Variants in CAMTA1 observed in about 807,000 individuals in gnomAD.
CAMTA1 encodes calmodulin-binding transcription activator 1.
Under a neutral mutation model 170.9 loss-of-function variants are expected in CAMTA1, and 27 were observed. The observed-to-expected ratio is 0.16, with a 90% CI of 0.12 to 0.22. The LOEUF (loss-of-function observed/expected upper bound fraction) is 0.22, where lower values mean the gene tolerates loss of function less well. Ranked by LOEUF, CAMTA1 falls within the 10% of genes least tolerant of loss-of-function variation. The probability of loss-of-function intolerance (pLI) is 1.00; values close to 1 mark genes in which losing one functional copy is unlikely to be tolerated. For synonymous variants in CAMTA1, 833 were observed against 891.5 expected, an observed-to-expected ratio of 0.93 and a Z score of 1.17; for missense variants, 1,619 against 2,217.2, an observed-to-expected ratio of 0.73 and a Z score of 5.42.
chr1:7,129,357 G>A (rs759480337), intron 4 of CAMTA1, among the ~76,000 whole-genome samples: 8 of 152,056 alleles, frequency 5.3e-5, no homozygotes, highest in Admixed American at 6.6e-5. Flanking sequence ...AAAGGTTACC[G>A]AGAACACTCA....
chr1:7,221,930 C>CACAT, intron 4 of CAMTA1, among the ~76,000 whole-genome samples: 1 of 135,702 alleles, frequency 7.4e-6, no homozygotes, highest in East Asian at 2.1e-4. Flanking sequence ...CACACACATA[C>CACAT]ACACACACAC....
At chr1:7,549,528 G>A (rs951554466) in intron 6 of CAMTA1, among the ~76,000 whole-genome samples, 1 of 152,128 alleles carries the variant, frequency 6.6e-6, no homozygotes, top group African/African-American at 2.4e-5. Context: ...ATGCCCTGGG[G>A]CATTCAGAAA....
chr1:6,950,536 G>C (rs1255788452), intron 3 of CAMTA1, among the ~76,000 whole-genome samples: 1 of 152,154 alleles, frequency 6.6e-6, no homozygotes, highest in Non-Finnish European at 1.5e-5. Flanking sequence ...TCTCACTCCT[G>C]CCACATGCTC....
At chr1:7,649,010 C>G (rs544512029) in intron 7 of CAMTA1, among the ~76,000 whole-genome samples, 8 of 152,372 alleles carry the variant, frequency 5.3e-5, no homozygotes, top group South Asian at 4.1e-4. Flanking sequence ...CCACACGGAG[C>G]TTAGTGTAGC....
intron 7 of CAMTA1, among the ~76,000 whole-genome samples, chr1:7,654,396 A>T (rs1045950368): frequency 7.2e-5 from 11 of 151,820 alleles, no homozygotes; most frequent in African/African-American, 2.2e-4. Context: ...TAAATAAATA[A>T]ATATATTAAA....
intron 11 of CAMTA1, among the ~76,000 whole-genome samples, chr1:7,690,761 G>A (rs1333594439): frequency 6.6e-6 from 1 of 152,218 alleles, no homozygotes; most frequent in African/African-American, 2.4e-5. Flanking sequence ...CCACAGATGG[G>A]GATGCTCAGA....
intron 5 of CAMTA1, among the ~76,000 whole-genome samples, chr1:7,291,360 C>T (rs554823874): frequency 2.6e-5 from 4 of 152,056 alleles, no homozygotes; most frequent in Admixed American, 6.5e-5. Context: ...CCCAGTTCTG[C>T]GCTGGAGTAG....
At chr1:7,504,137 G>C (rs1170479160) in intron 6 of CAMTA1, among the ~76,000 whole-genome samples, 2 of 152,186 alleles carry the variant, frequency 1.3e-5, no homozygotes, top group Non-Finnish European at 2.9e-5. Context: ...GGGACTCTGT[G>C]TCCTCACTGC....
chr1:7,174,782 G>GAA (rs1650421391), intron 4 of CAMTA1, among the ~76,000 whole-genome samples: 1 of 152,216 alleles, frequency 6.6e-6, no homozygotes, highest in Admixed American at 6.5e-5. Context: ...GGAGGCAGGA[G>GAA]AAGCTGGGCA....
At chr1:7,538,455 A>G (rs1377955426) in intron 6 of CAMTA1, among the ~76,000 whole-genome samples, 5 of 152,238 alleles carry the variant, frequency 3.3e-5, no homozygotes, top group Admixed American at 3.3e-4. Context: ...TTTTGAGACC[A>G]GCCTGGGTAA....
At chr1:6,805,013 A>C (rs1384995255) in intron 1 of CAMTA1, among the ~76,000 whole-genome samples, 1 of 152,226 alleles carries the variant, frequency 6.6e-6, no homozygotes, top group Non-Finnish European at 1.5e-5. Context: ...TTATATGGAC[A>C]TATGTTTTCA....
intron 6 of CAMTA1, among the ~76,000 whole-genome samples, chr1:7,625,047 G>A (rs867407447): frequency 6.6e-6 from 1 of 152,182 alleles, no homozygotes; most frequent in Non-Finnish European, 1.5e-5. Flanking sequence ...GGGTGAGAAG[G>A]GTGCATGGGA....
intron 5 of CAMTA1, among the ~76,000 whole-genome samples, chr1:7,431,522 C>T (rs1005319663): frequency 6.6e-6 from 1 of 151,916 alleles, no homozygotes; most frequent in African/African-American, 2.4e-5. Flanking sequence ...GCCATAGACT[C>T]AGCTCCACAC....
At chr1:7,152,150 C>T (rs901275604) in intron 4 of CAMTA1, among the ~76,000 whole-genome samples, 1 of 152,214 alleles carries the variant, frequency 6.6e-6, no homozygotes, top group Non-Finnish European at 1.5e-5. Flanking sequence ...GCTCTGACCT[C>T]AGCATCAGCC....
chr1:7,213,020 A>G (rs1014265918), intron 4 of CAMTA1, among the ~76,000 whole-genome samples: 12 of 152,344 alleles, frequency 7.9e-5, no homozygotes, highest in African/African-American at 2.6e-4. Context: ...ACATTGAAGG[A>G]CATCTGGGTG....
intron 5 of CAMTA1, among the ~76,000 whole-genome samples, chr1:7,364,743 T>C (rs1381284011): frequency 6.6e-6 from 1 of 152,168 alleles, no homozygotes; most frequent in Non-Finnish European, 1.5e-5. Context: ...CTGTGGGCTC[T>C]GGGGCTGCAG....
chr1:7,354,121 G>A (rs1433038686), intron 5 of CAMTA1, among the ~76,000 whole-genome samples: 1 of 151,854 alleles, frequency 6.6e-6, no homozygotes, highest in Non-Finnish European at 1.5e-5. Flanking sequence ...AGTATTCCAC[G>A]GTGCATATGT....
intron 4 of CAMTA1, among the ~76,000 whole-genome samples, chr1:7,094,563 C>T (rs1473961723): frequency 6.6e-6 from 1 of 152,102 alleles, no homozygotes; most frequent in African/African-American, 2.4e-5. Context: ...ATAGAAGCTG[C>T]AGAGGGGCCC....
intron 5 of CAMTA1, among the ~76,000 whole-genome samples, chr1:7,281,298 G>A (rs938531153): frequency 2.6e-5 from 4 of 152,184 alleles, no homozygotes; most frequent in Non-Finnish European, 5.9e-5. Flanking sequence ...TTTCAAGGTT[G>A]TAGGTATATA....
Sources: allele counts gnomAD v4.1 joint callset (sites outside exome capture counted in the v4.1 genomes callset), GRCh38; gene constraint gnomAD v4.1.1; transcripts MANE v1.5; gene names NCBI Gene and HGNC (gene_info 2026-07-23, HGNC 2026-07-21).